Variants in VWA3B observed in about 807,000 individuals in gnomAD.
The protein encoded by VWA3B is von Willebrand factor A domain containing 3B.
Under a neutral mutation model 158.3 loss-of-function variants are expected in VWA3B, and 138 were observed. The observed-to-expected ratio is 0.87, with a 90% CI of 0.76 to 1.00. VWA3B has a LOEUF of 1.00. Among genes scored for constraint, VWA3B ranks in the 50% least tolerant of loss-of-function variants. The probability of loss-of-function intolerance (pLI) is 0.00; values close to 1 mark genes in which losing one functional copy is unlikely to be tolerated. For missense variants in VWA3B, 1,555 were observed against 1,565.1 expected, an observed-to-expected ratio of 0.99 and a Z score of 0.11; for synonymous variants, 596 against 587.3, an observed-to-expected ratio of 1.01 and a Z score of -0.21.
intron 4 of VWA3B, 78 bp from the exon 5 acceptor site, chr2:98,121,221 C>G: frequency 4.6e-6 from 7 of 1,534,596 alleles, no homozygotes; most frequent in Non-Finnish European, 6.2e-6. Context: ...GCTTGCTGCT[C>G]ATGGCTGTGA....
chr2:98,264,373 T>A (rs1262947745), intron 21 of VWA3B, among the ~76,000 whole-genome samples: 2 of 152,144 alleles, frequency 1.3e-5, no homozygotes, highest in Non-Finnish European at 1.5e-5. Context: ...AACTTCCTTC[T>A]CAGTACTGCT....
intron 13 of VWA3B, chr2:98,216,984 C>CCA: frequency 8.1e-7 from 1 of 1,239,952 alleles, no homozygotes; most frequent in African/African-American, 1.6e-5. Context: ...TTGTAAGCAC[C>CCA]CGCCCCGCAC....
At chr2:98,188,219 T>G in intron 10 of VWA3B, 90 bp downstream of exon 10, 1 of 1,497,916 alleles carries the variant, frequency 6.7e-7, no homozygotes, top group East Asian at 2.3e-5. Context: ...TTATTTTTAG[T>G]TGACACATAA....
intron 19 of VWA3B, among the ~76,000 whole-genome samples, chr2:98,244,434 C>T (rs1455248792): frequency 6.6e-6 from 1 of 152,072 alleles, no homozygotes; most frequent in African/African-American, 2.4e-5. Flanking sequence ...CTAAATATAT[C>T]TCTTAAGCTG....
chr2:98,326,921 G>A, the VWA3B span, among the ~76,000 whole-genome samples: 1 of 151,714 alleles, frequency 6.6e-6, no homozygotes, highest in Non-Finnish European at 1.5e-5. Context: ...GAAGAAGGCT[G>A]CCAACACCAT....
intron 5 of VWA3B, among the ~76,000 whole-genome samples, chr2:98,126,073 A>G (rs1675328647): frequency 6.6e-6 from 1 of 152,242 alleles, no homozygotes; most frequent in Non-Finnish European, 1.5e-5. Flanking sequence ...ATGTCCCAGG[A>G]AATCTGTAGC....
At chr2:98,255,519 C>G (rs747773100) in intron 20 of VWA3B, among the ~76,000 whole-genome samples, 24 of 152,008 alleles carry the variant, frequency 1.6e-4, no homozygotes, top group Non-Finnish European at 3.1e-4. Flanking sequence ...CTGTAGGAAC[C>G]ACTAGCTTCA....
At chr2:98,268,679 CT>C (rs74265073) in intron 21 of VWA3B, among the ~76,000 whole-genome samples, 31,975 of 139,126 alleles carry the variant, frequency 0.23, 3,296 homozygotes, top group Admixed American at 0.31. Flanking sequence ...ATCTCCATTC[CT>C]TTTTTTTTTT....
chr2:98,150,602 G>C (rs918436204), intron 7 of VWA3B, among the ~76,000 whole-genome samples: 1 of 152,172 alleles, frequency 6.6e-6, no homozygotes, highest in Non-Finnish European at 1.5e-5. Context: ...TCTGTGGCTT[G>C]GTGGTGTCTA....
intron 2 of VWA3B, among the ~76,000 whole-genome samples, chr2:98,110,915 C>T (rs780735011): frequency 6.6e-5 from 10 of 152,198 alleles, no homozygotes; most frequent in Non-Finnish European, 1.3e-4. Context: ...AGAGGAGTTC[C>T]TTTGCACAAA....
intron 4 of VWA3B, among the ~76,000 whole-genome samples, 166 bp downstream of exon 4, chr2:98,119,929 A>C (rs1674840238): frequency 6.6e-6 from 1 of 152,206 alleles, no homozygotes; most frequent in Non-Finnish European, 1.5e-5. Flanking sequence ...ACAGTGAATA[A>C]ATCTTAGGAA....
chr2:98,124,708 G>A (rs1011283736), intron 5 of VWA3B, among the ~76,000 whole-genome samples: 2 of 152,214 alleles, frequency 1.3e-5, no homozygotes, highest in African/African-American at 4.8e-5. Context: ...TTTGAAGAGT[G>A]AAGATTTTTA....
intron 21 of VWA3B, 135 bp downstream of exon 21, chr2:98,256,309 G>C (rs1046356140): frequency 6.9e-6 from 7 of 1,020,088 alleles, no homozygotes; most frequent in Non-Finnish European, 9.7e-6. Context: ...CCTTTTTCTA[G>C]TTTCAAAACT....
intron 7 of VWA3B, among the ~76,000 whole-genome samples, chr2:98,158,089 C>A (rs906958794): frequency 1.3e-5 from 2 of 152,120 alleles, no homozygotes; most frequent in Non-Finnish European, 1.5e-5. Context: ...TGATCTGAGT[C>A]TCTTGCACAC....
At chr2:98,192,840 A>G in intron 10 of VWA3B, 58 bp from the exon 11 acceptor site, 1 of 1,611,980 alleles carries the variant, frequency 6.2e-7, no homozygotes. Flanking sequence ...GTTCTTGGGA[A>G]GATGCTCTTG....
intron 8 of VWA3B, among the ~76,000 whole-genome samples, chr2:98,164,775 A>G (rs1452385761): frequency 6.6e-6 from 1 of 152,246 alleles, no homozygotes; most frequent in African/African-American, 2.4e-5. Context: ...CAACTGCACC[A>G]TACAAACAAC....
chr2:98,280,463 AC>A (rs927044522), intron 22 of VWA3B, among the ~76,000 whole-genome samples: 48 of 152,186 alleles, frequency 3.2e-4, no homozygotes, highest in African/African-American at 1.2e-3. Context: ...TGTTCTCCAC[AC>A]CCCGGTGCTG....
chr2:98,141,552 T>C (rs1399340855), intron 7 of VWA3B, among the ~76,000 whole-genome samples: 3 of 151,984 alleles, frequency 2.0e-5, no homozygotes, highest in Non-Finnish European at 4.4e-5. Context: ...TCTGCCCTTG[T>C]CACCCACACA....
chr2:98,188,056 G>A lies in VWA3B; in HGVS notation c.1393G>A (p.Val465Ile), dbSNP rs374414183. The change falls in exon 10 of 28, where the codon GTC (valine) becomes ATC (isoleucine). Residue 465 changes from valine (V) to isoleucine (I), a missense_variant. Physicochemically the swap from Val to Ile is conservative, Grantham distance 29. Transcript: ENST00000477737. ...CTGGAAGGATGGGAGCTTGGTCCAC[G>A]TCAACATTACCAAAGAGAAGTGCAA... ...APWKDGSLVHVNITKEKCKWY... is the reference protein window; with the variant it reads ...APWKDGSLVHINITKEKCKWY... The A allele has an allele frequency of 4.8e-5, 77 of 1,613,974 alleles. No homozygotes were observed. Among genetic ancestry groups the A allele is most frequent in the African/African-American group, 1.3e-4 (10 of 75,010 alleles).
Sources: gnomAD v4.1 joint callset for allele counts (sites outside exome capture counted in the v4.1 genomes callset) on GRCh38, gnomAD v4.1.1 for gene constraint, MANE v1.5 for transcripts, NCBI Gene and HGNC (gene_info 2026-07-23, HGNC 2026-07-21) for gene names.